Variants in CLCN6 observed in about 807,000 individuals in gnomAD.
CLCN6 encodes the protein Cl-/H+ antiporter 6.
CLCN6 carries 70 observed loss-of-function variants against 109.8 expected under a neutral mutation model. The observed-to-expected ratio is 0.64, with a 90% CI of 0.53 to 0.78. CLCN6 has a LOEUF of 0.78. CLCN6 is among the 30% of genes least tolerant of loss of function. The pLI is 0.00. For missense variants in CLCN6, 984 were observed against 1,142.3 expected (o/e 0.86, Z 2.00); for synonymous variants, 444 against 447.8 (o/e 0.99, Z 0.11).
chr1:11,807,437 A>G (rs1265066103), intron 2 of CLCN6, among the ~76,000 whole-genome samples: 2 of 152,174 alleles, frequency 1.3e-5, no homozygotes, highest in Non-Finnish European at 2.9e-5. Flanking sequence ...TAGAGTATGT[A>G]TTTGCCATTA....
chr1:11,837,986 AGG>A (rs767088773), intron 20 of CLCN6, among the ~76,000 whole-genome samples: 1 of 152,206 alleles, frequency 6.6e-6, no homozygotes, highest in Non-Finnish European at 1.5e-5. Flanking sequence ...CATAGGTACT[AGG>A]GCTTAGGACT....
chr1:11,832,621 A>G (rs1435664527), intron 13 of CLCN6, among the ~76,000 whole-genome samples: 1 of 151,844 alleles, frequency 6.6e-6, no homozygotes, highest in Non-Finnish European at 1.5e-5. Flanking sequence ...CACACAAACC[A>G]CCCCCTGGTA....
chr1:11,831,873 C>G (rs994614612), intron 13 of CLCN6, among the ~76,000 whole-genome samples: 5 of 151,398 alleles, frequency 3.3e-5, no homozygotes, highest in Admixed American at 3.3e-4. Flanking sequence ...CAGGATCTCA[C>G]TATGTTGCCC....
chr1:11,837,548 C>T (rs1446684982), intron 20 of CLCN6, 49 bp downstream of exon 20: 18 of 1,585,146 alleles, frequency 1.1e-5, no homozygotes, highest in South Asian at 6.7e-5. Flanking sequence ...TGACGAAGCT[C>T]GAGGGGTTGG....
chr1:11,837,960 C>T (rs1644971464), intron 20 of CLCN6, among the ~76,000 whole-genome samples: 1 of 152,312 alleles, frequency 6.6e-6, no homozygotes, highest in South Asian at 2.1e-4. Flanking sequence ...GACCTTGTTT[C>T]CAGAAAGGTC....
At chr1:11,815,963 A>ATTTTT in intron 3 of CLCN6, 52 bp downstream of exon 3, 1 of 1,399,548 alleles carries the variant, frequency 7.1e-7, no homozygotes, top group African/African-American at 1.4e-5. Context: ...TTAACATGGC[A>ATTTTT]TTTTTTTTCT....
intron 5 of CLCN6, among the ~76,000 whole-genome samples, chr1:11,821,324 G>A (rs1026288112): frequency 3.3e-5 from 5 of 152,154 alleles, no homozygotes; most frequent in South Asian, 2.1e-4. Context: ...TTGGGAGGCC[G>A]AGGCAGGCGG....
chr1:11,836,935 G>C, intron 18 of CLCN6, 64 bp from the exon 19 acceptor site: 4 of 1,577,814 alleles, frequency 2.5e-6, no homozygotes, highest in African/African-American at 2.7e-5. Flanking sequence ...AAATCCTTAA[G>C]CTCCATCAGT....
chr1:11,819,210 A>G (rs2076001), intron 4 of CLCN6, among the ~76,000 whole-genome samples: 15,055 of 152,176 alleles, frequency 0.099, 801 homozygotes, highest in South Asian at 0.16. Flanking sequence ...TCTTGGTCTC[A>G]CATCTTTTTC....
At chr1:11,810,871 TCCTGGGCAATA>T (rs1644589782) in intron 2 of CLCN6, among the ~76,000 whole-genome samples, 1 of 152,036 alleles carries the variant, frequency 6.6e-6, no homozygotes, top group African/African-American at 2.4e-5. Context: ...TTCAAGACCA[TCCTGGGCAATA>T]AAGTGAGACT....
At position 11,833,582 on chromosome 1, in the gene CLCN6, C is replaced by G. The variant is rs942415587; in HGVS notation, c.1316C>G (p.Ala439Gly). The G allele has an allele frequency of 1.2e-6, 2 of 1,613,992 alleles. No homozygotes were observed. The highest frequency in any genetic ancestry group is 2.7e-5 in the African/African-American group (2 of 75,048). ...CCCAATGATACCTACAATGACATGG[C>G]CACACTCTTCTTCAACCCGCAGGAG... is the stretch of plus-strand genomic sequence containing the variant. ...FCPNDTYNDM[A>G]TLFFNPQESA... Residue 439 changes from alanine to glycine, a missense_variant, in exon 14 of 23, where the codon GCC becomes GGC. Ala to Gly is a moderately conservative substitution (Grantham distance 60). Transcript: ENST00000346436.
At chr1:11,833,173 C>T (rs892754415) in intron 13 of CLCN6, among the ~76,000 whole-genome samples, 2 of 152,162 alleles carry the variant, frequency 1.3e-5, no homozygotes, top group Admixed American at 6.5e-5. Context: ...CATATTCCCC[C>T]AGTCCTAGGG....
At chr1:11,836,918 G>A in intron 18 of CLCN6, 81 bp from the exon 19 acceptor site, 1 of 1,533,944 alleles carries the variant, frequency 6.5e-7, no homozygotes, top group Non-Finnish European at 8.8e-7. Context: ...GACCCTCCCT[G>A]TCACCCAAAT....
chr1:11,831,404 C>A (rs1352976280), intron 13 of CLCN6, among the ~76,000 whole-genome samples: 1 of 151,934 alleles, frequency 6.6e-6, no homozygotes, highest in Admixed American at 6.6e-5. Context: ...ATCCGCCCAC[C>A]TCGGCCTCCC....
At position 11,815,963 on chromosome 1, in the gene CLCN6, A is replaced by AT. The variant is rs141827185; in HGVS notation, c.213+60dup. 9.1e-3 allele frequency: 12,717 copies of AT among 1,399,412 alleles called. 886 individuals are homozygous for AT. The African/African-American group carries it at 0.16, about 17-fold the overall frequency. The allele number at this position is 1,399,412 out of a possible 1,614,324, so 86.7% of individuals were successfully genotyped here. ...GGGATCAAATCAGTCTTAACATGGC[A>AT]TTTTTTTTCTCTTCTAAAGGCCCCA... On this transcript the variant is annotated intron_variant, in intron 3 of 22. Coordinates refer to ENST00000346436, the MANE Select transcript of CLCN6 (RefSeq NM_001286.5).
rs1196834540 is a variant in CLCN6 at position 11,834,801 on chromosome 1, C to CA, written c.1793+212dup. Among the ~76,000 whole-genome samples, 3 of 152,122 alleles carry CA rather than the reference C, an allele frequency of 2.0e-5. No homozygotes were observed. The highest frequency in any genetic ancestry group is 7.2e-5 in the African/African-American group (3 of 41,428). On this transcript the variant is annotated intron_variant, in intron 17 of 22. Coordinates refer to ENST00000346436, the MANE Select transcript of CLCN6 (RefSeq NM_001286.5). This position sits in a 1 kb window ranked among gnomAD's most constrained non-coding sequence, Gnocchi z 4.5. ...AGGGGACACGGGCACTGTGGGACTG[C>CA]AGTGGGCAGGGCCTCTTCGTGGTGG... is the stretch of plus-strand genomic sequence containing the variant.
At chr1:11,823,674 C>T (rs12567136) in intron 6 of CLCN6, 33 bp from the exon 7 acceptor site, 246,086 of 1,613,074 alleles carry the variant, frequency 0.15, 19,374 homozygotes, top group South Asian at 0.18. Context: ...CAATGGATTT[C>T]GAGTTATGGG....
chr1:11,833,103 T>C lies in CLCN6; in HGVS notation c.1249-412T>C, dbSNP rs573147685. Among the ~76,000 whole-genome samples, 33 of 151,734 alleles carry C rather than the reference T, an allele frequency of 2.2e-4. 1 individual carries two copies. Among genetic ancestry groups the C allele is most frequent in the African/African-American group, 8.0e-4 (33 of 41,324 alleles). On this transcript the variant is annotated intron_variant, in intron 13 of 22. Transcript: ENST00000346436. The stretch of plus-strand genomic sequence containing the variant: ...AGAGTTGGGGCTTTCGGTCAAGTGG[T>C]GCCCTGGATTTTCCTCCCCAGATAC...
At position 11,842,128 on chromosome 1, in the gene CLCN6, C is replaced by T. The variant is rs1244896814; in HGVS notation, c.*1905C>T. On this transcript the variant is annotated 3_prime_UTR_variant, in exon 23 of 23. Coordinates refer to ENST00000346436, the MANE Select transcript of CLCN6 (RefSeq NM_001286.5). ...ACCTGTCACAGACACTTTGTCCCCT[C>T]TCCCCGCCCCTTCCTGGAGCTGGCA... 1 of 152,224 alleles carries T rather than the reference C, an allele frequency of 6.6e-6. No homozygotes were observed. Among genetic ancestry groups the T allele is most frequent in the Non-Finnish European group, 1.5e-5 (1 of 68,040 alleles). The allele number at this position is 152,224 out of a possible 1,614,324, so 9.4% of individuals were successfully genotyped here. A position where few individuals can be genotyped will look rare whatever the true frequency, so the allele number is the denominator to read the frequency against.
Sources: allele counts gnomAD v4.1 joint callset (sites outside exome capture counted in the v4.1 genomes callset), GRCh38; gene constraint gnomAD v4.1.1; non-coding constraint Gnocchi (gnomAD v3.1); transcripts MANE v1.5; gene names NCBI Gene and HGNC (gene_info 2026-07-23, HGNC 2026-07-21).